Variants in AOX1 observed in about 807,000 individuals in gnomAD.
AOX1 encodes the protein aldehyde oxidase.
A neutral mutation model predicts 169.5 loss-of-function variants in AOX1; 153 were observed. The observed-to-expected ratio is 0.90, with a 90% CI of 0.79 to 1.03. The LOEUF (loss-of-function observed/expected upper bound fraction) is 1.03. Ranked by LOEUF, AOX1 falls within the 50% of genes least tolerant of loss-of-function variation. The probability of loss-of-function intolerance (pLI) is 0.00; values close to 1 mark genes in which losing one functional copy is unlikely to be tolerated. For synonymous variants in AOX1, 562 were observed against 581.9 expected, an observed-to-expected ratio of 0.97 and a Z score of 0.49; for missense variants, 1,656 against 1,663.9, an observed-to-expected ratio of 1.00 and a Z score of 0.08.
chr2:200,612,799 G>A lies in AOX1; in HGVS notation c.1448+6G>A, dbSNP rs766572226. On this transcript the variant is annotated splice_donor_region_variant and intron_variant, in intron 14 of 34. Transcript: ENST00000374700. ...TGCCAGAAACTCATTGGAAGGTAAG[G>A]CATTAGAAGTAAGGGCTCCTCTAAT... is the stretch of plus-strand genomic sequence containing the variant. 41 of 1,612,216 alleles carry A rather than the reference G, an allele frequency of 2.5e-5. No homozygotes were observed. Among genetic ancestry groups the A allele is most frequent in the African/African-American group, 4.0e-5 (3 of 74,784 alleles).
At chr2:200,649,383 G>A (rs1027516033) in intron 25 of AOX1, among the ~76,000 whole-genome samples, 6 of 152,158 alleles carry the variant, frequency 3.9e-5, no homozygotes, top group African/African-American at 1.2e-4. Context: ...AGCTTCTCCC[G>A]TGGGGGTGTG....
At chr2:200,600,245 T>C (rs186506326) in intron 5 of AOX1, among the ~76,000 whole-genome samples, 1 of 152,294 alleles carries the variant, frequency 6.6e-6, no homozygotes, top group East Asian at 1.9e-4. Flanking sequence ...AAGCCAGTTA[T>C]TCATCAGCCC....
chr2:200,601,180 A>G (rs1264062213), intron 5 of AOX1, among the ~76,000 whole-genome samples: 4 of 150,728 alleles, frequency 2.7e-5, no homozygotes, highest in African/African-American at 7.3e-5. Context: ...AACCTGGAGG[A>G]CATTATGCTG....
chr2:200,650,932 C>T (rs1358335114), intron 25 of AOX1, 42 bp from the exon 26 acceptor site: 1 of 1,584,318 alleles, frequency 6.3e-7, no homozygotes, highest in Non-Finnish European at 8.7e-7. Context: ...CCTATGTCTG[C>T]TGGGTTTCCC....
At chr2:200,596,892 A>C (rs1417983141) in intron 3 of AOX1, among the ~76,000 whole-genome samples, 3 of 151,894 alleles carry the variant, frequency 2.0e-5, no homozygotes, top group African/African-American at 7.3e-5. Flanking sequence ...GTCTCTTACA[A>C]CTCTTAATGG....
intron 26 of AOX1, 62 bp downstream of exon 26, chr2:200,651,263 G>A (rs2035576891): frequency 6.8e-7 from 1 of 1,469,828 alleles, no homozygotes; most frequent in Non-Finnish European, 9.5e-7. Context: ...AGCAAGAGGT[G>A]TTGAGGAAAC....
intron 1 of AOX1, among the ~76,000 whole-genome samples, chr2:200,588,724 A>T (rs1175536867): frequency 2.1e-5 from 1 of 46,840 alleles, no homozygotes; most frequent in Non-Finnish European, 5.8e-5. Flanking sequence ...AACTAGAATA[A>T]GCTTTTTTTT....
rs1157521295 is a variant in AOX1, at chr2:200,638,286, A to C, written c.2552A>C (p.Tyr851Ser). The C allele has an allele frequency of 6.2e-7, 1 of 1,613,680 alleles. No individual in the cohort carries two copies. Among genetic ancestry groups the C allele is most frequent in the Non-Finnish European group, 8.5e-7 (1 of 1,179,658 alleles). Residue 851 changes from tyrosine (Y) to serine (S), a missense_variant, in exon 23 of 35, where the codon TAC (tyrosine) becomes TCC (serine). By Grantham distance (144) the Tyr-to-Ser change is moderately radical (BLOSUM62 -2). Coordinates refer to ENST00000374700, the MANE Select transcript of AOX1 (RefSeq NM_001159.4). The stretch of plus-strand genomic sequence containing the variant: ...TTAATAACTGGAGGCCGCCATCCTT[A>C]CCTTGGAAAGTACAAAGTGAGTACA... ...DMLITGGRHP[Y>S]LGKYKAGFMN...
In AOX1 at chr2:200,670,717, TC is replaced by T; in HGVS notation, c.*41del. 1 of 1,544,230 alleles carries T rather than the reference TC, an allele frequency of 6.5e-7. No homozygotes were observed. The highest frequency in any genetic ancestry group is 8.9e-7 in the Non-Finnish European group (1 of 1,118,648). ...CTTCTGGAGAAAACAGAGTGCCTCTTCCCAGATGGCAATCTGTCCTATCTCT... is the reference window on the plus strand; with the variant it reads ...CTTCTGGAGAAAACAGAGTGCCTCTTCCAGATGGCAATCTGTCCTATCTCT... On this transcript the variant is annotated 3_prime_UTR_variant, in exon 35 of 35. Transcript: ENST00000374700.
chr2:200,588,726 C>CTTTTTTGTTTTTTTTTTT (rs2034096474), intron 1 of AOX1, among the ~76,000 whole-genome samples: 1 of 53,986 alleles, frequency 1.9e-5, no homozygotes, highest in Non-Finnish European at 3.9e-5. Context: ...CTAGAATAAG[C>CTTTTTTGTTTTTTTTTTT]TTTTTTTTTT....
intron 20 of AOX1, among the ~76,000 whole-genome samples, chr2:200,631,743 A>AT (rs994618440): frequency 6.6e-6 from 1 of 152,140 alleles, no homozygotes; most frequent in African/African-American, 2.4e-5. Context: ...GCTCTGTCTA[A>AT]TTTTTTTAGC....
chr2:200,605,543 A>C lies in AOX1; in HGVS notation c.822A>C (p.Glu274Asp). 1 of 1,544,978 alleles carries C rather than the reference A, an allele frequency of 6.5e-7. No homozygotes were observed. Among genetic ancestry groups the C allele is most frequent in the Non-Finnish European group, 8.7e-7 (1 of 1,146,520 alleles). The change falls in exon 10 of 35, where the codon GAA (glutamate) becomes GAC (aspartate). Residue 274 changes from glutamate to aspartate, a missense_variant. Glu to Asp is a conservative substitution (Grantham distance 45). Coordinates refer to ENST00000374700, the MANE Select transcript of AOX1 (RefSeq NM_001159.4). ...VIMGNTSVGP[E>D]VKFKGVFHPV... is the part of the protein sequence containing the mutation. ...TTTTTTTTGATCCTTTAGGGCCTGA[A>C]GTGAAATTTAAAGGCGTCTTTCACC...
At chr2:200,626,483 A>T (rs148774365) in intron 19 of AOX1, among the ~76,000 whole-genome samples, 2 of 152,376 alleles carry the variant, frequency 1.3e-5, no homozygotes, top group African/African-American at 4.8e-5. Context: ...GCCAGTGGAC[A>T]CATGGATTAC....
At chr2:200,669,071 G>C (rs748470788) in intron 33 of AOX1, among the ~76,000 whole-genome samples, 1 of 152,090 alleles carries the variant, frequency 6.6e-6, no homozygotes, top group Non-Finnish European at 1.5e-5. Flanking sequence ...ATCATCTTCT[G>C]TATGTAGGTC....
At chr2:200,656,236 G>A (rs1475278261) in intron 26 of AOX1, among the ~76,000 whole-genome samples, 1 of 152,178 alleles carries the variant, frequency 6.6e-6, no homozygotes, top group African/African-American at 2.4e-5. Flanking sequence ...CTTCTTTCCT[G>A]CTGTGATTTT....
At chr2:200,590,332 AC>A (rs2034142553) in intron 1 of AOX1, among the ~76,000 whole-genome samples, 1 of 152,082 alleles carries the variant, frequency 6.6e-6, no homozygotes, top group East Asian at 1.9e-4. Flanking sequence ...GGCAGATTCC[AC>A]CCTCAGATTC....
intron 19 of AOX1, 134 bp from the exon 20 acceptor site, chr2:200,627,219 A>C: frequency 1.5e-6 from 1 of 646,216 alleles, no homozygotes; most frequent in South Asian, 2.0e-5. Context: ...CACCAGGGTC[A>C]TGGTGAAAGT....
chr2:200,632,282 CTAGA>C (rs968769581), intron 20 of AOX1, among the ~76,000 whole-genome samples: 3 of 150,678 alleles, frequency 2.0e-5, no homozygotes, highest in African/African-American at 7.3e-5. Context: ...AGTGGTAGCT[CTAGA>C]TAGTTTACAC....
chr2:200,652,027 G>A (rs1317567456), intron 26 of AOX1, among the ~76,000 whole-genome samples: 1 of 152,144 alleles, frequency 6.6e-6, no homozygotes, highest in Non-Finnish European at 1.5e-5. Flanking sequence ...CTCCTTGGTT[G>A]GAGTCATGAA....
Sources: gnomAD v4.1 joint callset for allele counts (sites outside exome capture counted in the v4.1 genomes callset) on GRCh38, gnomAD v4.1.1 for gene constraint, MANE v1.5 for transcripts, NCBI Gene and HGNC (gene_info 2026-07-23, HGNC 2026-07-21) for gene names.